The following CYP27B1 variants were observed in gnomAD, a reference collection of about 807,000 sequenced individuals.
The protein encoded by CYP27B1 is 25-hydroxyvitamin D-1 alpha hydroxylase, mitochondrial.
CYP27B1 carries 46 observed loss-of-function variants against 54.8 expected under a neutral mutation model. That is an observed-to-expected ratio of 0.84 (90% confidence interval 0.66 to 1.07). The LOEUF (loss-of-function observed/expected upper bound fraction) is 1.07. Among genes scored for constraint, CYP27B1 ranks in the 50% least tolerant of loss-of-function variants. The pLI, the probability that CYP27B1 is intolerant of heterozygous loss-of-function variation, is 0.00. For synonymous variants in CYP27B1, 292 were observed against 297.3 expected, an observed-to-expected ratio of 0.98 and a Z score of 0.18; for missense variants, 674 against 692.2, an observed-to-expected ratio of 0.97 and a Z score of 0.30.
At chr12:57,763,536 A>G in intron 8 of CYP27B1, 75 bp downstream of exon 8, 1 of 1,299,972 alleles carries the variant, frequency 7.7e-7, no homozygotes, top group Non-Finnish European at 1.1e-6. Flanking sequence ...TATGCTTGTC[A>G]GGGGAAAGAG....
At position 57,766,189 on chromosome 12, in the gene CYP27B1, G is replaced by T. The variant is rs953077723; in HGVS notation, c.204C>A (p.Gly68=). 1 of 1,538,608 alleles carries T rather than the reference G, an allele frequency of 6.5e-7. No individual in the cohort carries two copies. Among genetic ancestry groups the T allele is most frequent in the South Asian group, 1.2e-5 (1 of 83,690 alleles). The change falls in exon 2 of 9, where the codon GGC becomes GGA. Residue 68 remains glycine (G), a synonymous_variant. Transcript: ENST00000228606. ...LSRLHELQVQ[G]AAHFGPVWLA... is the part of the protein sequence containing the mutation. ...GCCACACCGGCCCGAAGTGCGCGGC[G>T]CCCTGCACCTGGGGGAGCGGACACA... is the stretch of plus-strand genomic sequence containing the variant.
intron 1 of CYP27B1, 133 bp downstream of exon 1, chr12:57,766,714 C>T (rs1054291426): frequency 4.0e-6 from 4 of 1,002,148 alleles, no homozygotes; most frequent in Middle Eastern, 3.2e-4. Flanking sequence ...AGCCTCAACT[C>T]GCCTTTTCCT....
At position 57,765,133 on chromosome 12, in the gene CYP27B1, C is replaced by T; in HGVS notation, c.668G>A (p.Arg223His). The change falls in exon 4 of 9, where the codon CGC (arginine) becomes CAC (histidine). Residue 223 changes from arginine to histidine, a missense_variant. Transcript: ENST00000228606. The surrounding 1 kb of genome is among the most constrained non-coding windows in gnomAD (Gnocchi z 5.8). ...GGACACAAACACCGAGCCCACAGCGCGGATGAAGGTCTCCGTGTCGGGTGG... is the reference window on the plus strand; with the variant it reads ...GGACACAAACACCGAGCCCACAGCGTGGATGAAGGTCTCCGTGTCGGGTGG... ...QVPPDTETFIRAVGSVFVSTL... is the reference protein window; with the variant it reads ...QVPPDTETFIHAVGSVFVSTL... The T allele has an allele frequency of 6.2e-7, 1 of 1,613,942 alleles. No individual in the cohort carries two copies. The highest frequency in any genetic ancestry group is 8.5e-7 in the Non-Finnish European group (1 of 1,180,006).
chr12:57,763,528 T>C (rs1955335021), intron 8 of CYP27B1, 83 bp downstream of exon 8: 1 of 1,238,346 alleles, frequency 8.1e-7, no homozygotes, highest in Non-Finnish European at 1.2e-6. Flanking sequence ...TGATTTCCTA[T>C]GCTTGTCAGG....
Position 57,765,510 on chromosome 12 carries a change from G to A in CYP27B1, c.387-11C>T. Reference sequence around the variant, plus strand: ...CATTCTTCGCCTTCCCTGCAGGGTTGAGGAGAGAGTGCGCATCGGGAAGGT... The same window carrying A: ...CATTCTTCGCCTTCCCTGCAGGGTTAAGGAGAGAGTGCGCATCGGGAAGGT... On this transcript the variant is annotated splice_polypyrimidine_tract_variant and intron_variant, in intron 2 of 8. Coordinates refer to ENST00000228606, the MANE Select transcript of CYP27B1 (RefSeq NM_000785.4). The surrounding 1 kb of genome is among the most constrained non-coding windows in gnomAD (Gnocchi z 5.8). 2 of 1,604,952 alleles carry A rather than the reference G, an allele frequency of 1.2e-6. No homozygotes were observed. The highest frequency in any genetic ancestry group is 2.2e-5 in the South Asian group (2 of 89,156).
chr12:57,766,670 A>T (rs1285474476), intron 1 of CYP27B1, among the ~76,000 whole-genome samples, 177 bp downstream of exon 1: 1 of 152,174 alleles, frequency 6.6e-6, no homozygotes, highest in African/African-American at 2.4e-5. Flanking sequence ...AAGAGTCGGG[A>T]CGGGCTCTGC....
intron 1 of CYP27B1, 97 bp downstream of exon 1, chr12:57,766,750 G>T: frequency 7.6e-7 from 1 of 1,317,594 alleles, no homozygotes; most frequent in Non-Finnish European, 1.1e-6. Flanking sequence ...CGTTCTCTCT[G>T]GCTGTCCCAC....
rs1408323166 is a variant in CYP27B1 at position 57,766,142 on chromosome 12, C to T, written c.251G>A (p.Arg84His). Reference protein sequence around the residue: ...PVWLASFGTVRTVYVAAPALV... With the variant: ...PVWLASFGTVHTVYVAAPALV... ...TGCAGGGGCAGCCACGTACACGGTG[C>T]GCACTGTCCCAAAGCTGGCTAGCCA... Residue 84 changes from arginine (R) to histidine (H), a missense_variant, in exon 2 of 9, where the codon CGC becomes CAC. Transcript: ENST00000228606. 3.2e-6 allele frequency: 5 copies of T among 1,546,706 alleles called. No individual in the cohort carries two copies. The highest frequency in any genetic ancestry group is 4.9e-5 in the East Asian group (2 of 41,168).
chr12:57,766,964 G>C lies in CYP27B1; in HGVS notation c.78C>G (p.Gly26=). Reference sequence around the variant, plus strand: ...GGCGTGCTGAGTGGTACTCTCGGTAGCCTAGGGAGGCGCCCAACTCGGGCG... The same window carrying C: ...GGCGTGCTGAGTGGTACTCTCGGTACCCTAGGGAGGCGCCCAACTCGGGCG... ...RWAPELGASL[G]YREYHSARRS... Residue 26 remains glycine, a synonymous_variant, in exon 1 of 9, where the codon GGC becomes GGG. Coordinates refer to ENST00000228606, the MANE Select transcript of CYP27B1 (RefSeq NM_000785.4). 1 of 1,614,192 alleles carries C rather than the reference G, an allele frequency of 6.2e-7. No homozygotes were observed. Among genetic ancestry groups the C allele is most frequent in the Non-Finnish European group, 8.5e-7 (1 of 1,179,998 alleles).
rs8176348 is a variant in CYP27B1, at chr12:57,763,350, G to A, written c.1414-95C>T. 7.8e-3 allele frequency: 7,723 copies of A among 986,306 alleles called. 409 individuals carry two copies. The African/African-American group carries it at 0.11, about 14-fold the overall frequency. 61.1% of individuals were successfully genotyped at this position (986,306 alleles called of 1,614,324 possible). A position where few individuals can be genotyped will look rare whatever the true frequency, so the allele number is the denominator to read the frequency against. Reference sequence around the variant, plus strand: ...TTGGTAAAGGGCATGCATTATTAGTGTTAGAATGGTCAATGATTGGGTGGC... The same window carrying A: ...TTGGTAAAGGGCATGCATTATTAGTATTAGAATGGTCAATGATTGGGTGGC... On this transcript the variant is annotated intron_variant, in intron 8 of 8. Transcript: ENST00000228606.
At position 57,765,707 on chromosome 12, in the gene CYP27B1, G is replaced by A; in HGVS notation, c.387-208C>T. On this transcript the variant is annotated intron_variant, in intron 2 of 8. Coordinates refer to ENST00000228606, the MANE Select transcript of CYP27B1 (RefSeq NM_000785.4). This position sits in a 1 kb window ranked among gnomAD's most constrained non-coding sequence, Gnocchi z 5.8. ...TGCCCTCAGGGGCCGGGGTTCCCGG[G>A]TAACTTGAGTCACAGAACCTTACAT... The A allele has an allele frequency of 1.2e-6, 1 of 818,538 alleles. No individual in the cohort carries two copies. Among genetic ancestry groups the A allele is most frequent in the East Asian group, 2.7e-5 (1 of 37,378 alleles). The allele number at this position is 818,538 out of a possible 1,614,324, so 50.7% of individuals were successfully genotyped here.
chr12:57,766,574 C>A, intron 1 of CYP27B1: 4 of 582,394 alleles, frequency 6.9e-6, no homozygotes, highest in Non-Finnish European at 1.2e-5. Context: ...CCCACTCCGG[C>A]CTCCCCCTCC....
At position 57,765,345 on chromosome 12, in the gene CYP27B1, C is replaced by T; in HGVS notation, c.541G>A (p.Ala181Thr). Reference sequence around the variant, plus strand: ...TCCCCCGCCACGTCCCGAACCAGGGCGGGCGGCCCCGTGCCACGTCCCCGC... The same window carrying T: ...TCCCCCGCCACGTCCCGAACCAGGGTGGGCGGCCCCGTGCCACGTCCCCGC... ...RQRGRGTGPP[A>T]LVRDVAGEFY... is the part of the protein sequence containing the mutation. The change falls in exon 3 of 9, where the codon GCC becomes ACC. Residue 181 changes from alanine (A) to threonine (T), a missense_variant. Transcript: ENST00000228606. This position sits in a 1 kb window ranked among gnomAD's most constrained non-coding sequence, Gnocchi z 5.8. 1.2e-6 allele frequency: 2 copies of T among 1,613,376 alleles called. No homozygotes were observed. Among genetic ancestry groups the T allele is most frequent in the Non-Finnish European group, 1.7e-6 (2 of 1,179,788 alleles).
chr12:57,765,783 G>C lies in CYP27B1; in HGVS notation c.386+224C>G. 1.1e-6 allele frequency: 1 copy of C among 919,244 alleles called. No homozygotes were observed. The highest frequency in any genetic ancestry group is 1.6e-6 in the Non-Finnish European group (1 of 623,502). 56.9% of individuals were successfully genotyped at this position (919,244 alleles called of 1,614,324 possible). ...TAGCCCAATTCCTCCGGTTCCCCCAGTTCCCAGGATTCGGGCCTCAAAGGA... is the reference window on the plus strand; with the variant it reads ...TAGCCCAATTCCTCCGGTTCCCCCACTTCCCAGGATTCGGGCCTCAAAGGA... On this transcript the variant is annotated intron_variant, in intron 2 of 8. Coordinates refer to ENST00000228606, the MANE Select transcript of CYP27B1 (RefSeq NM_000785.4). This position sits in a 1 kb window ranked among gnomAD's most constrained non-coding sequence, Gnocchi z 5.8.
rs549863375 is a variant in CYP27B1 at position 57,765,575 on chromosome 12, G to T, written c.387-76C>A. On this transcript the variant is annotated intron_variant, in intron 2 of 8. Transcript: ENST00000228606. This position sits in a 1 kb window ranked among gnomAD's most constrained non-coding sequence, Gnocchi z 5.8. ...GGGACTGGCTGCAGTGAAGGAGCGC[G>T]TTCGGCTGCGGTGGCCAGGAGAGGG... is the stretch of plus-strand genomic sequence containing the variant. 1.4e-6 allele frequency: 2 copies of T among 1,457,938 alleles called. No individual in the cohort carries two copies. The highest frequency in any genetic ancestry group is 4.8e-5 in the East Asian group (2 of 41,832). 90.3% of individuals were successfully genotyped at this position (1,457,938 alleles called of 1,614,324 possible). A position where few individuals can be genotyped will look rare whatever the true frequency, so the allele number is the denominator to read the frequency against.
At position 57,764,961 on chromosome 12, in the gene CYP27B1, C is replaced by T. The variant is rs2307096; in HGVS notation, c.791-35G>A. The stretch of plus-strand genomic sequence containing the variant: ...TAGAAGGCACGTGAATACCTCGCTA[C>T]CCCTGGACAGCTTTACATTCCCCCA... On this transcript the variant is annotated intron_variant, in intron 4 of 8. Transcript: ENST00000228606. The T allele has an allele frequency of 7.4e-6, 12 of 1,614,086 alleles. No individual in the cohort carries two copies. The East Asian group carries it at 1.6e-4, about 21-fold the overall frequency.
intron 4 of CYP27B1, 34 bp downstream of exon 4, chr12:57,764,977 C>T: frequency 6.8e-6 from 11 of 1,614,026 alleles, no homozygotes; most frequent in Non-Finnish European, 9.3e-6. Flanking sequence ...GACAGCTTTA[C>T]ATTCCCCCAT....
rs190470241 is a variant in CYP27B1 at position 57,765,037 on chromosome 12, C to T, written c.764G>A (p.Arg255Gln). 24 of 1,613,846 alleles carry T rather than the reference C, an allele frequency of 1.5e-5. No homozygotes were observed. In the East Asian group the frequency reaches 4.9e-4, roughly 33 times the overall value. Residue 255 changes from arginine (R) to glutamine (Q), a missense_variant, in exon 4 of 9, where the codon CGA becomes CAA. Coordinates refer to ENST00000228606, the MANE Select transcript of CYP27B1 (RefSeq NM_000785.4). The surrounding 1 kb of genome is among the most constrained non-coding windows in gnomAD (Gnocchi z 5.8). ...LVPGPWGRLC[R>Q]DWDQMFAFAQ... ...AAATGCAAACATCTGGTCCCAGTCT[C>T]GGCAGAGGCGGCCCCAGGGCCCAGG...
Position 57,765,565 on chromosome 12 carries a change from G to C in CYP27B1, c.387-66C>G. The C allele has an allele frequency of 6.6e-7, 1 of 1,504,862 alleles. No individual in the cohort carries two copies. 93.2% of individuals were successfully genotyped at this position (1,504,862 alleles called of 1,614,324 possible). On this transcript the variant is annotated intron_variant, in intron 2 of 8. Transcript: ENST00000228606. This position sits in a 1 kb window ranked among gnomAD's most constrained non-coding sequence, Gnocchi z 5.8. The stretch of plus-strand genomic sequence containing the variant: ...ACGGCTCGACGGGACTGGCTGCAGT[G>C]AAGGAGCGCGTTCGGCTGCGGTGGC...
Sources: allele counts gnomAD v4.1 joint callset (sites outside exome capture counted in the v4.1 genomes callset), GRCh38; gene constraint gnomAD v4.1.1; non-coding constraint Gnocchi (gnomAD v3.1); transcripts MANE v1.5; gene names NCBI Gene and HGNC (gene_info 2026-07-23, HGNC 2026-07-21).